Variants in DAZAP1 observed in about 807,000 individuals in gnomAD.
The protein encoded by DAZAP1 is DAZ-associated protein 1.
Under a neutral mutation model 60.1 loss-of-function variants are expected in DAZAP1, and 6 were observed. The observed-to-expected ratio is 0.10, with a 90% CI of 0.05 to 0.20. DAZAP1 has a LOEUF of 0.20. DAZAP1 is among the 10% of genes least tolerant of loss of function. DAZAP1 has a pLI of 1.00. For synonymous variants in DAZAP1, 235 were observed against 215.9 expected, an observed-to-expected ratio of 1.09 and a Z score of -0.78; for missense variants, 366 against 560.4, an observed-to-expected ratio of 0.65 and a Z score of 3.50.
intron 10 of DAZAP1, 71 bp downstream of exon 10, chr19:1,430,433 G>A: frequency 7.2e-7 from 1 of 1,385,674 alleles, no homozygotes; most frequent in South Asian, 1.6e-5. Context: ...GCGGGGTGAT[G>A]GGGAGTCTTG....
In DAZAP1 at chr19:1,422,968, C is replaced by G. The variant is rs1163967711; in HGVS notation, c.463+572C>G. On this transcript the variant is annotated intron_variant, in intron 6 of 11. Coordinates refer to ENST00000233078, the MANE Select transcript of DAZAP1 (RefSeq NM_018959.4). This position sits in a 1 kb window ranked among gnomAD's most constrained non-coding sequence, Gnocchi z 4.5. Reference sequence around the variant, plus strand: ...TCCCTCAGCTTCTTGCACACCCATCCATGCTGGTTTGTGGAGCTGGGACGA... The same window carrying G: ...TCCCTCAGCTTCTTGCACACCCATCGATGCTGGTTTGTGGAGCTGGGACGA... Among the ~76,000 whole-genome samples the G allele has an allele frequency of 6.6e-6, 1 of 152,158 alleles. No homozygotes were observed. Among genetic ancestry groups the G allele is most frequent in the Non-Finnish European group, 1.5e-5 (1 of 68,042 alleles).
intron 1 of DAZAP1, among the ~76,000 whole-genome samples, chr19:1,410,698 G>A (rs2082803696): frequency 6.6e-6 from 1 of 152,232 alleles, no homozygotes; most frequent in African/African-American, 2.4e-5. Context: ...TGGCCTACTG[G>A]GGAGAGGACA....
At chr19:1,414,088 T>C (rs2082906344) in intron 1 of DAZAP1, among the ~76,000 whole-genome samples, 1 of 151,230 alleles carries the variant, frequency 6.6e-6, no homozygotes, top group African/African-American at 2.4e-5. Flanking sequence ...TGATCTTGGC[T>C]CAGTGCAACC....
intron 1 of DAZAP1, among the ~76,000 whole-genome samples, chr19:1,411,278 C>T (rs2144702120): frequency 1.3e-5 from 2 of 152,326 alleles, no homozygotes; most frequent in East Asian, 3.9e-4. Context: ...CTCTGGGGCA[C>T]CGTGGGCACT....
Position 1,421,129 on chromosome 19 carries a change from T to C in DAZAP1, c.304-19T>C. The C allele has an allele frequency of 6.2e-7, 1 of 1,611,768 alleles. No individual in the cohort carries two copies. Among genetic ancestry groups the C allele is most frequent in the Non-Finnish European group, 8.5e-7 (1 of 1,177,922 alleles). On this transcript the variant is annotated intron_variant, in intron 4 of 11. Coordinates refer to ENST00000233078, the MANE Select transcript of DAZAP1 (RefSeq NM_018959.4). ...GGAGGGTTCCCGTGTGAACTAACTA[T>C]CCTTCCCTTCTTCAACAGCAGAAAG...
chr19:1,425,801 C>T lies in DAZAP1; in HGVS notation c.464-77C>T, dbSNP rs1600229970. 8 of 1,040,148 alleles carry T rather than the reference C, an allele frequency of 7.7e-6. No individual in the cohort carries two copies. The highest frequency in any genetic ancestry group is 7.1e-5 in the East Asian group (3 of 42,036). The allele number at this position is 1,040,148 out of a possible 1,614,324, so 64.4% of individuals were successfully genotyped here. A position where few individuals can be genotyped will look rare whatever the true frequency, so the allele number is the denominator to read the frequency against. On this transcript the variant is annotated intron_variant, in intron 6 of 11. Coordinates refer to ENST00000233078, the MANE Select transcript of DAZAP1 (RefSeq NM_018959.4). This position sits in a 1 kb window ranked among gnomAD's most constrained non-coding sequence, Gnocchi z 5.4. ...GAAACCCAAGGTCGATCCCTCGGCC[C>T]GTCCCTAATACTGTTCATCATCCTG...
chr19:1,429,110 C>T (rs545076123), intron 8 of DAZAP1, 115 bp downstream of exon 8: 27 of 1,302,414 alleles, frequency 2.1e-5, no homozygotes, highest in Admixed American at 6.5e-5. Flanking sequence ...TGCACAGAGC[C>T]GCGGTTCACA....
intron 6 of DAZAP1, among the ~76,000 whole-genome samples, chr19:1,424,272 C>T (rs1489102015): frequency 5.9e-5 from 9 of 151,676 alleles, no homozygotes; most frequent in East Asian, 2.0e-4. Flanking sequence ...CTCCATCCTG[C>T]GCTCCTCTCG....
At chr19:1,411,313 G>C (rs781083859) in intron 1 of DAZAP1, among the ~76,000 whole-genome samples, 2 of 152,202 alleles carry the variant, frequency 1.3e-5, no homozygotes, top group African/African-American at 4.8e-5. Flanking sequence ...AGCACCTTTG[G>C]CCTCCATTCA....
At chr19:1,412,291 G>A (rs1241804898) in intron 1 of DAZAP1, among the ~76,000 whole-genome samples, 1 of 152,162 alleles carries the variant, frequency 6.6e-6, no homozygotes, top group African/African-American at 2.4e-5. Context: ...CTGAGGCAGT[G>A]GGTGAAGTGG....
intron 1 of DAZAP1, among the ~76,000 whole-genome samples, chr19:1,412,115 T>C (rs1334824168): frequency 6.6e-6 from 1 of 152,100 alleles, no homozygotes; most frequent in East Asian, 1.9e-4. Context: ...ACCCAGGATG[T>C]GGGCATTCAG....
chr19:1,420,122 T>C (rs113122399), intron 4 of DAZAP1, among the ~76,000 whole-genome samples: 926 of 65,810 alleles, frequency 0.014, 17 homozygotes, highest in Non-Finnish European at 0.017. Flanking sequence ...CATGAAACCA[T>C]CCCGAACGTC....
intron 1 of DAZAP1, among the ~76,000 whole-genome samples, chr19:1,413,201 C>T (rs2082878429): frequency 6.6e-6 from 1 of 152,244 alleles, no homozygotes; most frequent in Admixed American, 6.5e-5. Context: ...ACCGCCAGCC[C>T]CGTAGCAAGC....
In DAZAP1 at chr19:1,421,152, A is replaced by C. The variant is rs1771552203; in HGVS notation, c.308A>C (p.Lys103Thr). The C allele has an allele frequency of 6.2e-7, 1 of 1,614,054 alleles. No homozygotes were observed. The highest frequency in any genetic ancestry group is 8.5e-7 in the Non-Finnish European group (1 of 1,179,916). ...ERTRPKEGWQ[K>T]GPRSDNSKSN... ...TATCCTTCCCTTCTTCAACAGCAGAAAGGACCCAGGAGCGATAACAGTAAA... is the reference window on the plus strand; with the variant it reads ...TATCCTTCCCTTCTTCAACAGCAGACAGGACCCAGGAGCGATAACAGTAAA... Residue 103 changes from lysine to threonine, a missense_variant, in exon 5 of 12, where the codon AAA becomes ACA. Physicochemically the swap from Lys to Thr is moderately conservative, Grantham distance 78. Around this residue, in one of 3 missense-constraint regions of DAZAP1, gnomAD observed 98 missense variants for 155.3 expected, o/e 0.63. Transcript: ENST00000233078.
chr19:1,420,787 G>A (rs1178970999), intron 4 of DAZAP1, among the ~76,000 whole-genome samples: 4 of 152,180 alleles, frequency 2.6e-5, no homozygotes, highest in Admixed American at 6.5e-5. Flanking sequence ...TTTCGTCGTC[G>A]CTGCTGCCTT....
chr19:1,412,331 G>A (rs2082854906), intron 1 of DAZAP1, among the ~76,000 whole-genome samples: 1 of 152,178 alleles, frequency 6.6e-6, no homozygotes, highest in African/African-American at 2.4e-5. Context: ...CTTAGGGGCA[G>A]GAAAGTCCCT....
intron 1 of DAZAP1, among the ~76,000 whole-genome samples, chr19:1,412,731 C>G (rs1257814782): frequency 6.6e-6 from 1 of 152,206 alleles, no homozygotes; most frequent in Non-Finnish European, 1.5e-5. Flanking sequence ...AGGTTGCCAT[C>G]CAAAACGGCT....
chr19:1,423,353 T>C lies in DAZAP1; in HGVS notation c.463+957T>C, dbSNP rs1239545283. Among the ~76,000 whole-genome samples the C allele has an allele frequency of 6.6e-6, 1 of 152,244 alleles. No homozygotes were observed. Among genetic ancestry groups the C allele is most frequent in the East Asian group, 1.9e-4 (1 of 5,204 alleles). ...TTAAGTGTTTCATAGTAAAGTACAG[T>C]GATGTTAAGTAAGCTGTTTTTCCTT... On this transcript the variant is annotated intron_variant, in intron 6 of 11. Coordinates refer to ENST00000233078, the MANE Select transcript of DAZAP1 (RefSeq NM_018959.4). The surrounding 1 kb of genome is among the most constrained non-coding windows in gnomAD (Gnocchi z 6.8).
Position 1,418,122 on chromosome 19 carries a change from T to C in DAZAP1, c.71-82T>C. ...GTGCGTGGCTGGTGGACTGGAGGAG[T>C]GTGCGTGCCGGCAGCACTGCCAGGC... On this transcript the variant is annotated intron_variant, in intron 2 of 11. Coordinates refer to ENST00000233078, the MANE Select transcript of DAZAP1 (RefSeq NM_018959.4). The surrounding 1 kb of genome is among the most constrained non-coding windows in gnomAD (Gnocchi z 5.7). 7.0e-7 allele frequency: 1 copy of C among 1,433,594 alleles called. No individual in the cohort carries two copies. Among genetic ancestry groups the C allele is most frequent in the Non-Finnish European group, 9.7e-7 (1 of 1,030,164 alleles). The allele number at this position is 1,433,594 out of a possible 1,614,324, so 88.8% of individuals were successfully genotyped here.
Sources: gnomAD v4.1 joint callset for allele counts (sites outside exome capture counted in the v4.1 genomes callset) on GRCh38, gnomAD v4.1.1 for gene constraint, gnomAD v4.1.1 regional missense constraint, Gnocchi (gnomAD v3.1) non-coding constraint, MANE v1.5 for transcripts, NCBI Gene and HGNC (gene_info 2026-07-23, HGNC 2026-07-21) for gene names.